Variants in DEPDC5 observed in about 807,000 individuals in gnomAD.
DEPDC5 encodes GATOR1 complex protein DEPDC5.
A neutral mutation model predicts 217.3 loss-of-function variants in DEPDC5; 73 were observed. The ratio of observed to expected loss-of-function variants is 0.34; its 90% CI spans 0.28 to 0.41. The LOEUF (loss-of-function observed/expected upper bound fraction) is 0.41, where lower values mean the gene tolerates loss of function less well. Among genes scored for constraint, DEPDC5 ranks in the 10% least tolerant of loss-of-function variants. The probability of loss-of-function intolerance (pLI) is 1.00; values close to 1 mark genes in which losing one functional copy is unlikely to be tolerated. For missense variants in DEPDC5, 1,675 were observed against 2,070.1 expected (o/e 0.81, Z 3.70); for synonymous variants, 733 against 756.7 (o/e 0.97, Z 0.51).
At position 31,906,842 on chromosome 22, in the gene DEPDC5, T is replaced by C; in HGVS notation, c.*345T>C. 2.4e-6 allele frequency: 1 copy of C among 413,010 alleles called. No individual in the cohort carries two copies. Among genetic ancestry groups the C allele is most frequent in the Middle Eastern group, 6.9e-4 (1 of 1,442 alleles). The allele number at this position is 413,010 out of a possible 1,614,324, so 25.6% of individuals were successfully genotyped here. A position where few individuals can be genotyped will look rare whatever the true frequency, so the allele number is the denominator to read the frequency against. ...AATGTCCTCGGAAGGGGGTGGCTCC[T>C]GGTAGCATCCTTTTCCTTCACCATC... On this transcript the variant is annotated 3_prime_UTR_variant, in exon 43 of 43. Coordinates refer to ENST00000651528, the MANE Select transcript of DEPDC5 (RefSeq NM_001242896.3). The surrounding 1 kb of genome is among the most constrained non-coding windows in gnomAD (Gnocchi z 5.1).
intron 8 of DEPDC5, among the ~76,000 whole-genome samples, chr22:31,779,285 AC>A (rs1236259901): frequency 9.2e-5 from 14 of 152,232 alleles, no homozygotes; most frequent in African/African-American, 3.4e-4. Context: ...GTTTGTAAAT[AC>A]ATGTATGTTT....
intron 38 of DEPDC5, among the ~76,000 whole-genome samples, chr22:31,881,497 G>A (rs979689399): frequency 4.0e-5 from 6 of 151,854 alleles, no homozygotes; most frequent in Non-Finnish European, 5.9e-5. Context: ...CTTCCTTGAC[G>A]TTTTTTTGGG....
At chr22:31,801,185 A>G (rs1003182973) in intron 14 of DEPDC5, among the ~76,000 whole-genome samples, 24 of 151,684 alleles carry the variant, frequency 1.6e-4, no homozygotes, top group African/African-American at 5.6e-4. Flanking sequence ...CATACCAGCT[A>G]CTTGGGAGGC....
chr22:31,775,834 G>A (rs2148290271), intron 7 of DEPDC5, among the ~76,000 whole-genome samples: 2 of 152,064 alleles, frequency 1.3e-5, no homozygotes, highest in African/African-American at 4.8e-5. Flanking sequence ...AAGGTCAGGA[G>A]TTCGAGACCA....
Position 31,887,419 on chromosome 22 carries a change from CAA to C in DEPDC5, c.4034-6144_4034-6143del, listed in dbSNP as rs567430576. ...GGGCAACAAAAGCGAAACTCTGTCT[CAA>C]AAAAAAAAAAAAAAAAAAGAGAAAA... On this transcript the variant is annotated intron_variant, in intron 38 of 42. Coordinates refer to ENST00000651528, the MANE Select transcript of DEPDC5 (RefSeq NM_001242896.3). Among the ~76,000 whole-genome samples, 581 of 65,664 alleles carry C rather than the reference CAA, an allele frequency of 8.8e-3. 10 individuals carry two copies. The highest frequency in any genetic ancestry group is 0.027 in the African/African-American group (530 of 19,518). 43.1% of individuals were successfully genotyped at this position (65,664 alleles called of 152,430 possible).
At chr22:31,753,980 G>A (rs1039474951), upstream of DEPDC5, 4 of 152,824 alleles carry the variant, frequency 2.6e-5, no homozygotes, top group African/African-American at 9.7e-5. Context: ...AGCCACCGGA[G>A]CGGCGCGGGT....
chr22:31,784,868 A>C lies in DEPDC5; in HGVS notation c.617A>C (p.Lys206Thr). 1 of 1,612,898 alleles carries C rather than the reference A, an allele frequency of 6.2e-7. No individual in the cohort carries two copies. Among genetic ancestry groups the C allele is most frequent in the Non-Finnish European group, 8.5e-7 (1 of 1,179,574 alleles). The change falls in exon 10 of 43, where the codon AAG (lysine) becomes ACG (threonine). Residue 206 changes from lysine (K) to threonine (T), a missense_variant. By Grantham distance (78) the Lys-to-Thr change is moderately conservative. This residue lies in a region of DEPDC5 where 628 missense variants were observed against 762.1 expected (regional missense o/e 0.82). Transcript: ENST00000651528. ...VNGFLADLFT[K>T]WKEKNCSHEV... Reference sequence around the variant, plus strand: ...GGTTTCCTTGCTGATCTATTTACCAAGTGGAAGGTACATTTCTTCTTACAC... The same window carrying C: ...GGTTTCCTTGCTGATCTATTTACCACGTGGAAGGTACATTTCTTCTTACAC...
intron 24 of DEPDC5, among the ~76,000 whole-genome samples, chr22:31,830,630 CGTGTGTGTGTGTGTGT>C (rs34078350): frequency 1.4e-5 from 2 of 142,462 alleles, no homozygotes; most frequent in Non-Finnish European, 3.1e-5. Context: ...TATGCGTGTA[CGTGTGTGTGTGTGTGT>C]GTGTGTGTGT....
chr22:31,777,605 C>G (rs917641303), intron 7 of DEPDC5, among the ~76,000 whole-genome samples: 3 of 151,634 alleles, frequency 2.0e-5, no homozygotes, highest in Non-Finnish European at 4.4e-5. Flanking sequence ...AGATTAAGAG[C>G]CCCTGTTCAT....
At position 31,758,567 on chromosome 22, in the gene DEPDC5, C is replaced by G. The variant is rs1485949754; in HGVS notation, c.80C>G (p.Pro27Arg). 2 of 1,613,962 alleles carry G rather than the reference C, an allele frequency of 1.2e-6. No homozygotes were observed. The highest frequency in any genetic ancestry group is 1.3e-5 in the African/African-American group (1 of 74,912). ...GGSDDELVVN[P>R]KVFPHIKLGD... is the part of the protein sequence containing the mutation. ...TCAGATGATGAGCTAGTTGTGAACC[C>G]CAAAGTGTTCCCTCACATCAAGCTT... is the stretch of plus-strand genomic sequence containing the variant. Residue 27 changes from proline to arginine, a missense_variant, in exon 3 of 43, where the codon CCC (proline) becomes CGC (arginine). By Grantham distance (103) the Pro-to-Arg change is moderately radical (BLOSUM62 -2). Around this residue, in one of 11 missense-constraint regions of DEPDC5, gnomAD observed 628 missense variants for 762.1 expected, o/e 0.82. Transcript: ENST00000651528.
intron 14 of DEPDC5, 51 bp from the exon 15 acceptor site, chr22:31,802,653 G>T (rs573605053): frequency 5.5e-6 from 8 of 1,465,824 alleles, no homozygotes; most frequent in Non-Finnish European, 7.3e-6. Context: ...CTGTGACAGG[G>T]TTCTGAAAAG....
chr22:31,790,954 C>T (rs1028430629), intron 10 of DEPDC5, among the ~76,000 whole-genome samples: 1 of 151,886 alleles, frequency 6.6e-6, no homozygotes, highest in African/African-American at 2.4e-5. Context: ...GCCATGTTGG[C>T]CAGGCTGGTC....
In DEPDC5 at chr22:31,754,991, T is replaced by C. The variant is rs762133673; in HGVS notation, c.58+12T>C. The C allele has an allele frequency of 5.6e-6, 9 of 1,614,010 alleles. No individual in the cohort carries two copies. In the African/African-American group the frequency reaches 9.3e-5, roughly 17 times the overall value. ...CTTTGGGGGCAGTGGTCAGTATCGA[T>C]TGGTCTTTAGAGGTTTTGTAAGTTG... On this transcript the variant is annotated intron_variant, in intron 2 of 42. Coordinates refer to ENST00000651528, the MANE Select transcript of DEPDC5 (RefSeq NM_001242896.3).
chr22:31,777,789 C>T (rs1394247157), intron 7 of DEPDC5, among the ~76,000 whole-genome samples: 4 of 151,946 alleles, frequency 2.6e-5, no homozygotes, highest in African/African-American at 9.7e-5. Context: ...ACTCTGTTGC[C>T]TAGGATGGAG....
intron 37 of DEPDC5, among the ~76,000 whole-genome samples, chr22:31,877,406 T>G (rs1300638943): frequency 9.2e-6 from 1 of 108,466 alleles, no homozygotes; most frequent in African/African-American, 3.7e-5. Flanking sequence ...CACTGTACTC[T>G]AGCCTGGGCT....
At chr22:31,900,744 AG>A (rs1349832723) in intron 40 of DEPDC5, among the ~76,000 whole-genome samples, 1 of 151,552 alleles carries the variant, frequency 6.6e-6, no homozygotes, top group African/African-American at 2.4e-5. Context: ...CCTCTCAAAA[AG>A]AAAAAAAAAA....
chr22:31,770,021 G>T (rs901354471), intron 7 of DEPDC5, among the ~76,000 whole-genome samples: 2 of 150,552 alleles, frequency 1.3e-5, no homozygotes, highest in East Asian at 3.9e-4. Context: ...TGAGCCCCAG[G>T]AGTTCAAGAC....
chr22:31,830,625 G>A (rs565092049), intron 24 of DEPDC5, among the ~76,000 whole-genome samples: 3 of 131,460 alleles, frequency 2.3e-5, no homozygotes, highest in East Asian at 2.1e-4. Context: ...CGGGGTATGC[G>A]TGTACGTGTG....
chr22:31,857,386 TG>T, intron 31 of DEPDC5, 58 bp from the exon 32 acceptor site: 1 of 1,452,150 alleles, frequency 6.9e-7, no homozygotes. Flanking sequence ...TTGGCCGACA[TG>T]GATCCTTCAC....
Sources: allele counts gnomAD v4.1 joint callset (sites outside exome capture counted in the v4.1 genomes callset), GRCh38; gene constraint gnomAD v4.1.1; regional missense constraint gnomAD v4.1.1; non-coding constraint Gnocchi (gnomAD v3.1); transcripts MANE v1.5; gene names NCBI Gene and HGNC (gene_info 2026-07-23, HGNC 2026-07-21).